Variants in RAD52 observed in about 807,000 individuals in gnomAD.
The protein encoded by RAD52 is RAD52 DNA repair protein, also known as DNA repair protein RAD52 homolog.
A neutral mutation model predicts 55.5 loss-of-function variants in RAD52; 47 were observed. That is an observed-to-expected ratio of 0.85 (90% CI 0.67 to 1.08). The LOEUF (loss-of-function observed/expected upper bound fraction) is 1.08, where lower values mean the gene tolerates loss of function less well. Among genes scored for constraint, RAD52 ranks in the 50% least tolerant of loss-of-function variants. RAD52 has a pLI of 0.00. For missense variants in RAD52, 468 were observed against 522.8 expected (o/e 0.90, Z 1.02); for synonymous variants, 184 against 198.9 (o/e 0.92, Z 0.63).
intron 1 of RAD52, among the ~76,000 whole-genome samples, chr12:984,182 C>T (rs572701398): frequency 1.3e-5 from 2 of 152,188 alleles, no homozygotes; most frequent in African/African-American, 4.8e-5. Context: ...GCCACCATTA[C>T]GCTTTCTGTC....
chr12:963,113 AT>A (rs201514211), intron 1 of RAD52, among the ~76,000 whole-genome samples: 86 of 148,946 alleles, frequency 5.8e-4, no homozygotes, highest in African/African-American at 1.4e-3. Flanking sequence ...TAGAAGAGTA[AT>A]TTTTTTTTTT....
Position 912,302 on chromosome 12 carries a change from C to A in RAD52, c.*1089G>T, listed in dbSNP as rs530602582. ...GCATACAACAGTTTATGCAGCGACC[C>A]TAAGAGAAAAAAAAACCCAGCCCTC... On this transcript the variant is annotated 3_prime_UTR_variant, in exon 12 of 12. Coordinates refer to ENST00000358495, the MANE Select transcript of RAD52 (RefSeq NM_134424.4). 2.5e-5 allele frequency: 5 copies of A among 199,138 alleles called. No homozygotes were observed. Among genetic ancestry groups the A allele is most frequent in the African/African-American group, 1.2e-4 (5 of 43,344 alleles). 12.3% of individuals were successfully genotyped at this position (199,138 alleles called of 1,614,324 possible).
chr12:924,138 G>A (rs924832056), intron 7 of RAD52, among the ~76,000 whole-genome samples: 37 of 151,862 alleles, frequency 2.4e-4, no homozygotes, highest in Admixed American at 5.9e-4. Flanking sequence ...GGCCGGGCGC[G>A]GGGGCTCACG....
intron 1 of RAD52, among the ~76,000 whole-genome samples, chr12:973,035 GA>G (rs1230704307): frequency 6.6e-6 from 1 of 152,124 alleles, no homozygotes; most frequent in Non-Finnish European, 1.5e-5. Context: ...ATCATGGGGG[GA>G]AAGGGGAAGA....
chr12:986,211 G>A (rs763768822), intron 1 of RAD52, among the ~76,000 whole-genome samples: 1 of 152,106 alleles, frequency 6.6e-6, no homozygotes, highest in African/African-American at 2.4e-5. Context: ...TGGGATTACA[G>A]GTGTGAGCCG....
chr12:914,505 T>C lies in RAD52; in HGVS notation c.893A>G (p.His298Arg). 4.3e-6 allele frequency: 7 copies of C among 1,613,732 alleles called. No individual in the cohort carries two copies. Among genetic ancestry groups the C allele is most frequent in the East Asian group, 2.2e-5 (1 of 44,882 alleles). ...EAAPPAPPVTHSTPVTVSEPL... is the reference protein window; with the variant it reads ...EAAPPAPPVTRSTPVTVSEPL... ...TTCTGAGACAGTTACAGGAGTGCTGTGCGTCACAGGAGGGGCCGGAGGCGC... is the reference window on the plus strand; with the variant it reads ...TTCTGAGACAGTTACAGGAGTGCTGCGCGTCACAGGAGGGGCCGGAGGCGC... Residue 298 changes from histidine to arginine, a missense_variant, in exon 10 of 12, where the codon CAC (histidine) becomes CGC (arginine). His to Arg is a conservative substitution (Grantham distance 29, BLOSUM62 0). Coordinates refer to ENST00000358495, the MANE Select transcript of RAD52 (RefSeq NM_134424.4).
chr12:945,189 A>G (rs11064604), intron 1 of RAD52, among the ~76,000 whole-genome samples: 15,317 of 151,812 alleles, frequency 0.1, 929 homozygotes, highest in Middle Eastern at 0.22. Flanking sequence ...CTTCTCTACT[A>G]AAGATACAAA....
At chr12:939,171 T>G (rs1274856286) in intron 1 of RAD52, among the ~76,000 whole-genome samples, 1 of 151,268 alleles carries the variant, frequency 6.6e-6, no homozygotes, top group East Asian at 1.9e-4. Flanking sequence ...AATTGTAAAT[T>G]TTTTTTTTGA....
intron 1 of RAD52, among the ~76,000 whole-genome samples, chr12:965,830 A>G (rs566100872): frequency 6.6e-6 from 1 of 151,594 alleles, no homozygotes; most frequent in Non-Finnish European, 1.5e-5. Flanking sequence ...GGGATTACAC[A>G]TATGCACCAC....
chr12:916,865 C>A, intron 7 of RAD52, 45 bp from the exon 8 acceptor site: 2 of 1,572,562 alleles, frequency 1.3e-6, no homozygotes, highest in South Asian at 1.1e-5. Context: ...TGGCTCTTGC[C>A]CTCCGCTGCT....
chr12:944,623 A>AAC (rs1274390998), intron 1 of RAD52, among the ~76,000 whole-genome samples: 1 of 151,662 alleles, frequency 6.6e-6, no homozygotes, highest in African/African-American at 2.4e-5. Context: ...AAAAAAAAAA[A>AAC]AAAAACTCAG....
intron 1 of RAD52, among the ~76,000 whole-genome samples, chr12:982,307 T>C (rs1178621980): frequency 6.6e-6 from 1 of 152,254 alleles, no homozygotes; most frequent in Non-Finnish European, 1.5e-5. Flanking sequence ...AAATTGCACC[T>C]ATAATCTCTA....
chr12:923,653 G>A (rs1021630055), intron 7 of RAD52, among the ~76,000 whole-genome samples: 12 of 151,902 alleles, frequency 7.9e-5, no homozygotes, highest in African/African-American at 2.4e-4. Flanking sequence ...CTTGTTTTAC[G>A]GGTGCAGGGT....
chr12:927,265 T>TG lies in RAD52; in HGVS notation c.349-3dup, dbSNP rs1420926659. 6.2e-7 allele frequency: 1 copy of TG among 1,608,538 alleles called. No homozygotes were observed. The stretch of plus-strand genomic sequence containing the variant: ...AACATCTTCATGATATGAACCATCC[T>TG]GGGGGCAGAAAAGGAGTTTGAACTC... On this transcript the variant is annotated splice_polypyrimidine_tract_variant and splice_region_variant and intron_variant, in intron 5 of 11. Coordinates refer to ENST00000358495, the MANE Select transcript of RAD52 (RefSeq NM_134424.4).
chr12:928,330 G>A (rs939261287), intron 5 of RAD52, among the ~76,000 whole-genome samples: 1 of 152,164 alleles, frequency 6.6e-6, no homozygotes, highest in Admixed American at 6.5e-5. Context: ...TGACCAACAT[G>A]GAGAAACCGC....
At chr12:920,264 A>G (rs1956646419) in intron 7 of RAD52, among the ~76,000 whole-genome samples, 1 of 114,598 alleles carries the variant, frequency 8.7e-6, no homozygotes, top group Non-Finnish European at 1.8e-5. Flanking sequence ...TTATATAATG[A>G]TAAGAATGTC....
At chr12:985,939 T>C (rs939531861) in intron 1 of RAD52, among the ~76,000 whole-genome samples, 47 of 139,012 alleles carry the variant, frequency 3.4e-4, no homozygotes, top group African/African-American at 1.2e-3. Context: ...GCACCTGGCC[T>C]TTTTTTTTTT....
At chr12:949,111 C>T (rs866081987) in intron 1 of RAD52, among the ~76,000 whole-genome samples, 35 of 152,180 alleles carry the variant, frequency 2.3e-4, no homozygotes, top group Middle Eastern at 6.8e-3. Context: ...GACGGAGTGT[C>T]GTGGTACGGG....
Position 927,466 on chromosome 12 carries a change from A to G in RAD52, c.349-203T>C, listed in dbSNP as rs11571440. 6.1e-3 allele frequency among the ~76,000 whole-genome samples: 923 copies of G among 152,230 alleles called. 9 individuals are homozygous for G. Among genetic ancestry groups the G allele is most frequent in the African/African-American group, 0.021 (884 of 41,544 alleles). On this transcript the variant is annotated intron_variant, in intron 5 of 11. Coordinates refer to ENST00000358495, the MANE Select transcript of RAD52 (RefSeq NM_134424.4). ...CTGCCTGGACATGTGCCTGCGGTCA[A>G]GGTGTCAAGACGATCCTCCCTTCCC... is the stretch of plus-strand genomic sequence containing the variant.
Sources: allele counts gnomAD v4.1 joint callset (sites outside exome capture counted in the v4.1 genomes callset), GRCh38; gene constraint gnomAD v4.1.1; transcripts MANE v1.5; gene names NCBI Gene and HGNC (gene_info 2026-07-23, HGNC 2026-07-21).